Variants in TNPO1 observed in about 807,000 individuals in gnomAD.
TNPO1 encodes transportin 1, also known as transportin-1.
In TNPO1, 8 loss-of-function variants were observed where a neutral mutation model predicts 119.5. The ratio of observed to expected loss-of-function variants is 0.07; its 90% CI spans 0.04 to 0.12. The LOEUF (loss-of-function observed/expected upper bound fraction) is 0.12, where lower values mean the gene tolerates loss of function less well. TNPO1 is among the 10% of genes least tolerant of loss of function. TNPO1 has a pLI of 1.00. For missense variants in TNPO1, 576 were observed against 1,089.8 expected (o/e 0.53, Z 6.64); for synonymous variants, 362 against 363.0 (o/e 1.00, Z 0.03).
chr5:72,903,633 CTG>C (rs1200004194), intron 22 of TNPO1, 74 bp from the exon 23 acceptor site: 4 of 907,790 alleles, frequency 4.4e-6, no homozygotes, highest in Non-Finnish European at 6.9e-6. Context: ...GACATAAACT[CTG>C]AGGTTTACAT....
intron 3 of TNPO1, 99 bp downstream of exon 3, chr5:72,851,418 C>T (rs1745540708): frequency 1.4e-6 from 1 of 729,174 alleles, no homozygotes; most frequent in Non-Finnish European, 2.3e-6. Flanking sequence ...TTTGTAGTAA[C>T]CTTGTGCTTT....
chr5:72,878,845 T>C (rs1202741387), intron 9 of TNPO1: 1 of 447,730 alleles, frequency 2.2e-6, no homozygotes, highest in Non-Finnish European at 4.5e-6. Context: ...AAATCCGCTT[T>C]TATTTATTGA....
intron 4 of TNPO1, among the ~76,000 whole-genome samples, chr5:72,858,613 G>A (rs1313188271): frequency 1.3e-5 from 2 of 152,114 alleles, no homozygotes; most frequent in African/African-American, 4.8e-5. Flanking sequence ...CAAGGTGGGC[G>A]GATCACGAGG....
intron 23 of TNPO1, among the ~76,000 whole-genome samples, chr5:72,904,941 G>T (rs1750039506): frequency 6.6e-6 from 1 of 152,216 alleles, no homozygotes; most frequent in African/African-American, 2.4e-5. Flanking sequence ...CAGCAGGCAA[G>T]AAAGAGAATG....
chr5:72,901,998 C>T (rs1749830373), intron 22 of TNPO1, among the ~76,000 whole-genome samples: 1 of 151,750 alleles, frequency 6.6e-6, no homozygotes, highest in Admixed American at 6.6e-5. Flanking sequence ...TTGCTTGAAC[C>T]CGGGAGGCAG....
Position 72,887,135 on chromosome 5 carries a change from A to G in TNPO1, c.1216A>G (p.Ile406Val). Residue 406 changes from isoleucine (I) to valine (V), a missense_variant, in exon 12 of 25, where the codon ATT becomes GTT. By Grantham distance (29) the Ile-to-Val change is conservative. Around this residue, in one of 6 missense-constraint regions of TNPO1, gnomAD observed 310 missense variants for 583.0 expected, o/e 0.53. Transcript: ENST00000337273. ...NVYRDELLPH[I>V]LPLLKELLFH... is the part of the protein sequence containing the mutation. The stretch of plus-strand genomic sequence containing the variant: ...GTATCGTGATGAACTGCTGCCACAT[A>G]TTTTGCCCCTTTTGAAAGAATTACT... The G allele has an allele frequency of 6.2e-7, 1 of 1,613,930 alleles. No individual in the cohort carries two copies. Among genetic ancestry groups the G allele is most frequent in the Non-Finnish European group, 8.5e-7 (1 of 1,179,932 alleles).
rs1216987662 is a variant in TNPO1 at position 72,882,413 on chromosome 5, AATT to A, written c.921-50_921-48del. The stretch of plus-strand genomic sequence containing the variant: ...AGTACATGTAAGGTTAAGACTTATT[AATT>A]ATTCTCTTGAGATCTTAAGGTCTTT... On this transcript the variant is annotated intron_variant, in intron 9 of 24. Transcript: ENST00000337273. 192 of 1,342,226 alleles carry A rather than the reference AATT, an allele frequency of 1.4e-4. 1 individual carries two copies. Among genetic ancestry groups the A allele is most frequent in the Middle Eastern group, 1.9e-4 (1 of 5,350 alleles). The allele number at this position is 1,342,226 out of a possible 1,614,324, so 83.1% of individuals were successfully genotyped here. A position where few individuals can be genotyped will look rare whatever the true frequency, so the allele number is the denominator to read the frequency against.
At position 72,906,275 on chromosome 5, in the gene TNPO1, C is replaced by CTTTTTTT. The variant is rs869051297; in HGVS notation, c.*35+862_*35+868dup. Among the ~76,000 whole-genome samples, 57 of 54,684 alleles carry CTTTTTTT rather than the reference C, an allele frequency of 1.0e-3. 7 individuals are homozygous for CTTTTTTT. Among genetic ancestry groups the CTTTTTTT allele is most frequent in the African/African-American group, 1.6e-3 (24 of 14,696 alleles). The allele number at this position is 54,684 out of a possible 152,430, so 35.9% of individuals were successfully genotyped here. A position where few individuals can be genotyped will look rare whatever the true frequency, so the allele number is the denominator to read the frequency against. On this transcript the variant is annotated intron_variant, in intron 24 of 24. Transcript: ENST00000337273. ...CCATGTGCCCATCACTTTTTTTTTT[C>CTTTTTTT]TTTTTTTTTTTTTTTTTTTTTTTTT...
At chr5:72,868,431 C>CAAAAAAAAAAAAAAAAAAAA in intron 6 of TNPO1, among the ~76,000 whole-genome samples, 1 of 27,068 alleles carries the variant, frequency 3.7e-5, no homozygotes, top group Non-Finnish European at 7.0e-5. Context: ...GACTCCGTCT[C>CAAAAAAAAAAAAAAAAAAAA]AAAAAAAAAA....
intron 23 of TNPO1, 69 bp from the exon 24 acceptor site, chr5:72,905,219 ATCAGCTGTGTTGGAT>A: frequency 1.0e-6 from 1 of 1,002,862 alleles, no homozygotes; most frequent in Non-Finnish European, 1.5e-6. Flanking sequence ...TTATAAAAAA[ATCAGCTGTGTTGGAT>A]TTCAGAAGCT....
intron 1 of TNPO1, among the ~76,000 whole-genome samples, chr5:72,829,627 G>A (rs781225913): frequency 2.6e-5 from 4 of 152,186 alleles, no homozygotes; most frequent in Non-Finnish European, 5.9e-5. Flanking sequence ...ACTATTCCTT[G>A]TTTATAGGTG....
At chr5:72,878,337 T>C (rs1419394631) in intron 9 of TNPO1, among the ~76,000 whole-genome samples, 1 of 152,094 alleles carries the variant, frequency 6.6e-6, no homozygotes, top group Non-Finnish European at 1.5e-5. Context: ...TTTCACAATA[T>C]TCCAAATAGT....
At chr5:72,828,304 C>A (rs1029778014) in intron 1 of TNPO1, among the ~76,000 whole-genome samples, 11 of 152,108 alleles carry the variant, frequency 7.2e-5, no homozygotes, top group Non-Finnish European at 1.6e-4. Context: ...TTACAACTTT[C>A]AAGATGTTTC....
chr5:72,826,792 C>T (rs1048341805), intron 1 of TNPO1, among the ~76,000 whole-genome samples: 1 of 152,092 alleles, frequency 6.6e-6, no homozygotes, highest in African/African-American at 2.4e-5. Flanking sequence ...GAGAAGAACG[C>T]TACAAGGATA....
Position 72,903,787 on chromosome 5 carries a change from AC to A in TNPO1, c.2589+5del, listed in dbSNP as rs765296439. Reference sequence around the variant, plus strand: ...TCTCAGAGACATGTTCTGTAAGGTAACTAATAAGTCTTTATAATGCATCATC... The same window carrying A: ...TCTCAGAGACATGTTCTGTAAGGTAATAATAAGTCTTTATAATGCATCATC... On this transcript the variant is annotated splice_donor_5th_base_variant and intron_variant, in intron 23 of 24. Transcript: ENST00000337273. 1 of 1,585,470 alleles carries A rather than the reference AC, an allele frequency of 6.3e-7. No individual in the cohort carries two copies. Among genetic ancestry groups the A allele is most frequent in the African/African-American group, 1.3e-5 (1 of 74,178 alleles).
chr5:72,865,779 A>T (rs540469503), intron 6 of TNPO1, 50 bp downstream of exon 6: 2 of 1,537,786 alleles, frequency 1.3e-6, no homozygotes, highest in South Asian at 1.2e-5. Context: ...AAACCTGACC[A>T]TTATCTTAGT....
rs776822870 is a variant in TNPO1 at position 72,888,312 on chromosome 5, G to C, written c.1529+9G>C. On this transcript the variant is annotated intron_variant, in intron 13 of 24. Coordinates refer to ENST00000337273, the MANE Select transcript of TNPO1 (RefSeq NM_002270.4). ...CAAGAAGCTGCCTGCAGGTGGGACA[G>C]ATTCATAACACAGTGTTCTTTGTGG... 8.7e-6 allele frequency: 14 copies of C among 1,608,968 alleles called. No homozygotes were observed. The highest frequency in any genetic ancestry group is 1.2e-5 in the Non-Finnish European group (14 of 1,175,552).
intron 15 of TNPO1, 41 bp downstream of exon 15, chr5:72,891,937 C>T: frequency 6.7e-7 from 1 of 1,501,670 alleles, no homozygotes; most frequent in Non-Finnish European, 9.1e-7. Flanking sequence ...GCCAAGAACA[C>T]ATGTTCAAAT....
chr5:72,836,509 T>C (rs2112205104), intron 1 of TNPO1, among the ~76,000 whole-genome samples: 1 of 152,298 alleles, frequency 6.6e-6, no homozygotes, highest in East Asian at 1.9e-4. Context: ...AATCATTCTG[T>C]TCCCAAGGCA....
Sources: allele counts gnomAD v4.1 joint callset (sites outside exome capture counted in the v4.1 genomes callset), GRCh38; gene constraint gnomAD v4.1.1; regional missense constraint gnomAD v4.1.1; transcripts MANE v1.5; gene names NCBI Gene and HGNC (gene_info 2026-07-23, HGNC 2026-07-21).